Variants in PCDHAC1 observed in about 807,000 individuals in gnomAD.
PCDHAC1 encodes protocadherin alpha-C1.
In PCDHAC1, 42 loss-of-function variants were observed where a neutral mutation model predicts 60.0. The observed-to-expected ratio is 0.70, with a 90% confidence interval of 0.55 to 0.90. The LOEUF is 0.90. PCDHAC1 is among the 40% of genes least tolerant of loss of function. The probability of loss-of-function intolerance (pLI) is 0.00; values close to 1 mark genes in which losing one functional copy is unlikely to be tolerated. For missense variants in PCDHAC1, 1,160 were observed against 1,222.3 expected, an observed-to-expected ratio of 0.95 and a Z score of 0.76; for synonymous variants, 468 against 499.3, an observed-to-expected ratio of 0.94 and a Z score of 0.84.
At chr5:140,995,267 C>T (rs552857413) in intron 3 of PCDHAC1, among the ~76,000 whole-genome samples, 1 of 152,192 alleles carries the variant, frequency 6.6e-6, no homozygotes, top group Non-Finnish European at 1.5e-5. Context: ...GAATACAAGC[C>T]CTTTGATACC....
At position 140,954,715 on chromosome 5, in the gene PCDHAC1, G is replaced by A. The variant is rs189929573; in HGVS notation, c.2434-24234G>A. Among the ~76,000 whole-genome samples, 246 of 152,208 alleles carry A rather than the reference G, an allele frequency of 1.6e-3. 8 individuals carry two copies. Among genetic ancestry groups the A allele is most frequent in the Middle Eastern group, 3.4e-3 (1 of 294 alleles). ...GACTACAAAATTTTTCTCCCATTCT[G>A]TAGGTTGTCTTTTCACTCTGATGAT... On this transcript the variant is annotated intron_variant, in intron 1 of 3. Coordinates refer to ENST00000253807, the MANE Select transcript of PCDHAC1 (RefSeq NM_018898.5).
At chr5:140,940,557 T>C (rs1554213484) in intron 1 of PCDHAC1, among the ~76,000 whole-genome samples, 1 of 152,204 alleles carries the variant, frequency 6.6e-6, no homozygotes. Context: ...CAAGTGATTC[T>C]CCTACCTTGG....
At chr5:140,943,927 A>G (rs1407165466) in intron 1 of PCDHAC1, among the ~76,000 whole-genome samples, 2 of 152,236 alleles carry the variant, frequency 1.3e-5, no homozygotes, top group East Asian at 1.9e-4. Flanking sequence ...GAGCAGCTTT[A>G]GAAGTGTGGT....
At chr5:140,985,104 AT>A (rs2097137151) in intron 3 of PCDHAC1, among the ~76,000 whole-genome samples, 1 of 151,914 alleles carries the variant, frequency 6.6e-6, no homozygotes, top group African/African-American at 2.4e-5. Context: ...AGCCTGGCTA[AT>A]TTTTTGTGTT....
intron 1 of PCDHAC1, among the ~76,000 whole-genome samples, chr5:140,937,894 A>G (rs1554211868): frequency 6.6e-6 from 1 of 150,462 alleles, no homozygotes; most frequent in Non-Finnish European, 1.5e-5. Context: ...CCTGGGCGAC[A>G]GAGTGAGACT....
At chr5:141,008,014 CT>C (rs1268690822) in intron 3 of PCDHAC1, among the ~76,000 whole-genome samples, 12 of 152,070 alleles carry the variant, frequency 7.9e-5, no homozygotes, top group African/African-American at 1.7e-4. Flanking sequence ...CTTCTGTTTC[CT>C]TTTTTTTCTT....
chr5:140,941,211 CTTCCTTTCTTT>C (rs782043135), intron 1 of PCDHAC1, among the ~76,000 whole-genome samples: 8,933 of 129,680 alleles, frequency 0.069, 349 homozygotes, highest in Non-Finnish European at 0.093. Flanking sequence ...TCCTTTCTTT[CTTCCTTTCTTT>C]CTTTCTTTCT....
intron 1 of PCDHAC1, among the ~76,000 whole-genome samples, chr5:140,951,383 G>A (rs782698893): frequency 1.2e-4 from 19 of 152,064 alleles, no homozygotes; most frequent in Non-Finnish European, 2.6e-4. Flanking sequence ...CCAAGACTCG[G>A]TAATTTATAA....
chr5:140,955,359 C>A (rs1390938554), intron 1 of PCDHAC1, among the ~76,000 whole-genome samples: 1 of 151,992 alleles, frequency 6.6e-6, no homozygotes, highest in African/African-American at 2.4e-5. Context: ...TGAGAGGGAC[C>A]CAGTGGGAGG....
At chr5:140,944,378 A>G (rs1204116678) in intron 1 of PCDHAC1, among the ~76,000 whole-genome samples, 1 of 151,884 alleles carries the variant, frequency 6.6e-6, no homozygotes, top group Admixed American at 6.6e-5. Flanking sequence ...ATAGAGATGG[A>G]GTCTCACTGT....
In PCDHAC1 at chr5:140,928,443, G is replaced by A; in HGVS notation, c.1551G>A (p.Gln517=). 1 of 1,614,184 alleles carries A rather than the reference G, an allele frequency of 6.2e-7. No individual in the cohort carries two copies. ...CCAAAACTTCCTTTGACTTTGAGCA[G>A]CTCAGGGGGTTTCATTTCCAAGTAG... ...ITAKTSFDFE[Q]LRGFHFQVEG... The change falls in exon 1 of 4, where the codon CAG becomes CAA. Residue 517 remains glutamine (Q), a synonymous_variant. Coordinates refer to ENST00000253807, the MANE Select transcript of PCDHAC1 (RefSeq NM_018898.5).
At chr5:140,999,114 T>C (rs2097847387) in intron 3 of PCDHAC1, among the ~76,000 whole-genome samples, 2 of 152,180 alleles carry the variant, frequency 1.3e-5, no homozygotes, top group Non-Finnish European at 2.9e-5. Context: ...CTAGCAACCA[T>C]TTCTAAGCTG....
intron 3 of PCDHAC1, among the ~76,000 whole-genome samples, chr5:141,003,559 T>C (rs2098129977): frequency 6.6e-6 from 1 of 152,106 alleles, no homozygotes; most frequent in Admixed American, 6.5e-5. Context: ...GTGATCCACC[T>C]GCCTCAGACT....
chr5:140,954,599 C>T (rs1554221480), intron 1 of PCDHAC1, among the ~76,000 whole-genome samples: 1 of 152,042 alleles, frequency 6.6e-6, no homozygotes, highest in East Asian at 1.9e-4. Flanking sequence ...ATGTTCTTTG[C>T]CCACTTTTTA....
intron 3 of PCDHAC1, among the ~76,000 whole-genome samples, chr5:141,002,460 C>T (rs1554258683): frequency 2.0e-5 from 3 of 152,174 alleles, no homozygotes; most frequent in African/African-American, 7.2e-5. Context: ...ATTTGTATAA[C>T]GCTTTAGCAT....
intron 1 of PCDHAC1, among the ~76,000 whole-genome samples, chr5:140,971,183 G>C (rs1471489236): frequency 1.3e-5 from 2 of 152,170 alleles, no homozygotes; most frequent in African/African-American, 4.8e-5. Flanking sequence ...CTGTAAGCCG[G>C]AAGCTCAGAG....
In PCDHAC1 at chr5:141,012,204, T is replaced by C. The variant is rs1053312501; in HGVS notation, c.*2267T>C. The C allele has an allele frequency of 1.3e-5, 2 of 153,800 alleles. No homozygotes were observed. Among genetic ancestry groups the C allele is most frequent in the African/African-American group, 4.8e-5 (2 of 41,474 alleles). 9.5% of individuals were successfully genotyped at this position (153,800 alleles called of 1,614,324 possible). On this transcript the variant is annotated 3_prime_UTR_variant, in exon 4 of 4. Transcript: ENST00000253807. ...TATAATGTATCTGTACAGCACTTTT[T>C]ACATTTGCGAAGTGCTTTCCAATCC...
intron 1 of PCDHAC1, among the ~76,000 whole-genome samples, chr5:140,947,404 T>G (rs1305199507): frequency 6.6e-6 from 1 of 151,736 alleles, no homozygotes; most frequent in Non-Finnish European, 1.5e-5. Flanking sequence ...GTAGACTGTC[T>G]TGATATTGTA....
chr5:140,926,703 C>G lies in PCDHAC1; in HGVS notation c.-190C>G, dbSNP rs2083476417. 2 of 835,304 alleles carry G rather than the reference C, an allele frequency of 2.4e-6. No homozygotes were observed. Among genetic ancestry groups the G allele is most frequent in the Admixed American group, 7.4e-5 (2 of 26,908 alleles). The allele number at this position is 835,304 out of a possible 1,614,324, so 51.7% of individuals were successfully genotyped here. ...CCAGCCTAGCAAGCCCGGCTCCCAG[C>G]TGGCCAGCCCCGGCAATGCCGGCGT... On this transcript the variant is annotated 5_prime_UTR_variant, in exon 1 of 4. Coordinates refer to ENST00000253807, the MANE Select transcript of PCDHAC1 (RefSeq NM_018898.5).
Sources: gnomAD v4.1 joint callset for allele counts (sites outside exome capture counted in the v4.1 genomes callset) on GRCh38, gnomAD v4.1.1 for gene constraint, MANE v1.5 for transcripts, NCBI Gene and HGNC (gene_info 2026-07-23, HGNC 2026-07-21) for gene names.